The following ANKRD22 variants were observed in gnomAD, a reference collection of about 807,000 sequenced individuals.
ANKRD22 encodes ankyrin repeat domain-containing protein 22.
Under a neutral mutation model 25.7 loss-of-function variants are expected in ANKRD22, and 24 were observed. That is an observed-to-expected ratio of 0.93 (90% CI 0.68 to 1.31). The LOEUF is 1.31. ANKRD22 is among the 50% of genes most tolerant of loss of function. The probability of loss-of-function intolerance (pLI) is 0.00; values close to 1 mark genes in which losing one functional copy is unlikely to be tolerated. For missense variants in ANKRD22, 214 were observed against 227.1 expected (o/e 0.94, Z 0.37); for synonymous variants, 84 against 84.3 (o/e 1.00, Z 0.02).
intron 1 of ANKRD22, among the ~76,000 whole-genome samples, chr10:88,841,499 T>C (rs1242011409): frequency 2.6e-5 from 4 of 152,142 alleles, no homozygotes; most frequent in Non-Finnish European, 1.5e-5. Flanking sequence ...TTGAGCAAAA[T>C]TGGCTTTCAC....
At chr10:88,828,808 C>T in intron 2 of ANKRD22, 142 bp from the exon 3 acceptor site, 1 of 628,684 alleles carries the variant, frequency 1.6e-6, no homozygotes, top group Non-Finnish European at 2.7e-6. Context: ...CATCTGATTA[C>T]TGAATGCGGC....
rs565470369 is a variant in ANKRD22 at position 88,821,103 on chromosome 10, G to A, written c.*1838C>T. On this transcript the variant is annotated 3_prime_UTR_variant, in exon 6 of 6. Coordinates refer to ENST00000371930, the MANE Select transcript of ANKRD22 (RefSeq NM_144590.3). ...GATGTTTATGAGTTCTCCAATAAATGCATTCTGCATTACATAAAGCATGTA... is the reference window on the plus strand; with the variant it reads ...GATGTTTATGAGTTCTCCAATAAATACATTCTGCATTACATAAAGCATGTA... Among the ~76,000 whole-genome samples, 121 of 152,330 alleles carry A rather than the reference G, an allele frequency of 7.9e-4. 1 individual carries two copies. In the Middle Eastern group the frequency reaches 0.01, roughly 13 times the overall value.
In ANKRD22 at chr10:88,849,120, C is replaced by T. The variant is rs538417249; in HGVS notation, c.21+2467G>A. On this transcript the variant is annotated intron_variant, in intron 1 of 5. Coordinates refer to ENST00000371930, the MANE Select transcript of ANKRD22 (RefSeq NM_144590.3). ...CATTTAAGATATGATTTTCAAGAAA[C>T]GCTTTTTGGGGCCTGTGTCTGCAAC... Among the ~76,000 whole-genome samples the T allele has an allele frequency of 1.3e-4, 20 of 152,060 alleles. No individual in the cohort carries two copies. In the South Asian group the frequency reaches 1.9e-3, roughly 14 times the overall value.
intron 1 of ANKRD22, 138 bp downstream of exon 1, chr10:88,851,449 A>T: frequency 1.2e-6 from 1 of 846,722 alleles, no homozygotes; most frequent in Non-Finnish European, 1.9e-6. Flanking sequence ...ATAGGACTTT[A>T]TTTTTTCTGA....
intron 1 of ANKRD22, among the ~76,000 whole-genome samples, chr10:88,840,265 G>A (rs978174473): frequency 5.9e-5 from 9 of 152,050 alleles, no homozygotes; most frequent in African/African-American, 1.2e-4. Flanking sequence ...TGACGCATCC[G>A]GTATGTTGAT....
In ANKRD22 at chr10:88,831,949, G is replaced by A. The variant is rs367882066; in HGVS notation, c.99C>T (p.Asn33=). 7.1e-5 allele frequency: 114 copies of A among 1,613,756 alleles called. No individual in the cohort carries two copies. Among genetic ancestry groups the A allele is most frequent in the Admixed American group, 1.7e-4 (10 of 59,970 alleles). The change falls in exon 2 of 6, where the codon AAC becomes AAT. Residue 33 remains asparagine, a synonymous_variant. Transcript: ENST00000371930. ...RWVKEDSSYA[N]VQDGFNGDTP... is the part of the protein sequence containing the mutation. ...TGTCTCCATTAAAGCCATCTTGAACGTTGGCATAGCTGCTGTCTTCTTTCA... is the reference window on the plus strand; with the variant it reads ...TGTCTCCATTAAAGCCATCTTGAACATTGGCATAGCTGCTGTCTTCTTTCA...
chr10:88,834,836 T>G (rs557311107), intron 1 of ANKRD22, among the ~76,000 whole-genome samples: 1 of 152,008 alleles, frequency 6.6e-6, no homozygotes, highest in Admixed American at 6.5e-5. Flanking sequence ...CCAGCTACTC[T>G]GGAGGCTGAG....
rs1843852627 is a variant in ANKRD22 at position 88,826,026 on chromosome 10, G to A, written c.399+12C>T. On this transcript the variant is annotated intron_variant, in intron 4 of 5. Transcript: ENST00000371930. ...GAATATTTTTTCAAAATGGCTAAAA[G>A]TATAAACTTACACAATCTGTAGCAT... 6.2e-7 allele frequency: 1 copy of A among 1,600,622 alleles called. No homozygotes were observed. Among genetic ancestry groups the A allele is most frequent in the African/African-American group, 1.3e-5 (1 of 74,570 alleles).
Position 88,838,519 on chromosome 10 carries a change from C to T in ANKRD22, c.22-6493G>A, listed in dbSNP as rs927879116. On this transcript the variant is annotated intron_variant, in intron 1 of 5. Transcript: ENST00000371930. ...TTTAGAAGTTATCAGAGAGATGTTA[C>T]AGATAAACTCTGTCTAGGGATGAGA... 3.9e-5 allele frequency among the ~76,000 whole-genome samples: 6 copies of T among 152,152 alleles called. No individual in the cohort carries two copies. The South Asian group carries it at 6.2e-4, about 16-fold the overall frequency.
chr10:88,830,678 C>T (rs1276457915), intron 2 of ANKRD22, among the ~76,000 whole-genome samples: 3 of 152,114 alleles, frequency 2.0e-5, no homozygotes, highest in Non-Finnish European at 2.9e-5. Context: ...CCAGAAAATC[C>T]CAGCAGGCTG....
intron 2 of ANKRD22, among the ~76,000 whole-genome samples, chr10:88,829,901 A>G (rs1389806811): frequency 1.3e-5 from 2 of 152,170 alleles, no homozygotes; most frequent in Admixed American, 6.6e-5. Flanking sequence ...TTCAGCCTCC[A>G]AAGTAGCTGG....
At position 88,851,669 on chromosome 10, in the gene ANKRD22, G is replaced by T. The variant is rs1844106249; in HGVS notation, c.-62C>A. 4.4e-6 allele frequency: 7 copies of T among 1,588,892 alleles called. No individual in the cohort carries two copies. The highest frequency in any genetic ancestry group is 6.0e-6 in the Non-Finnish European group (7 of 1,158,178). On this transcript the variant is annotated 5_prime_UTR_variant, in exon 1 of 6. Coordinates refer to ENST00000371930, the MANE Select transcript of ANKRD22 (RefSeq NM_144590.3). ...CCTTGAATCTTCTGGAGGTATTTCT[G>T]ATGAATATCAAAATCCTTCCTGGCT...
chr10:88,825,302 A>G (rs534021385), intron 4 of ANKRD22, among the ~76,000 whole-genome samples: 1 of 152,358 alleles, frequency 6.6e-6, no homozygotes, highest in South Asian at 2.1e-4. Flanking sequence ...CCATAGAAAT[A>G]AACTTTTGTC....
chr10:88,845,926 C>T (rs976898922), intron 1 of ANKRD22, among the ~76,000 whole-genome samples: 4 of 152,146 alleles, frequency 2.6e-5, no homozygotes, highest in African/African-American at 9.7e-5. Context: ...CCTGCCTGAT[C>T]TGGCCCCTGA....
intron 1 of ANKRD22, among the ~76,000 whole-genome samples, chr10:88,834,802 G>A (rs1843937802): frequency 6.6e-6 from 1 of 152,120 alleles, no homozygotes; most frequent in Non-Finnish European, 1.5e-5. Context: ...AATTAGCAGG[G>A]CATGGTGTCT....
intron 2 of ANKRD22, 102 bp from the exon 3 acceptor site, chr10:88,828,768 G>A (rs781123411): frequency 8.1e-5 from 67 of 824,916 alleles, no homozygotes; most frequent in Non-Finnish European, 1.1e-4. Context: ...TTGTTTTTCC[G>A]GTACCCATGG....
Position 88,820,847 on chromosome 10 carries a change from A to G in ANKRD22, c.*2094T>C, listed in dbSNP as rs1383387638. Among the ~76,000 whole-genome samples, 1 of 152,164 alleles carries G rather than the reference A, an allele frequency of 6.6e-6. No individual in the cohort carries two copies. Among genetic ancestry groups the G allele is most frequent in the Non-Finnish European group, 1.5e-5 (1 of 68,026 alleles). ...TTGGAGCACTAAAGTAAAATGGCAA[A>G]TTGGGACAGATATTGAGGTCTGGAG... On this transcript the variant is annotated 3_prime_UTR_variant, in exon 6 of 6. Transcript: ENST00000371930.
Position 88,820,546 on chromosome 10 carries a change from G to A in ANKRD22, c.*2395C>T. 6.6e-7 allele frequency: 1 copy of A among 1,512,200 alleles called. No homozygotes were observed. The highest frequency in any genetic ancestry group is 8.9e-7 in the Non-Finnish European group (1 of 1,128,722). 93.7% of individuals were successfully genotyped at this position (1,512,200 alleles called of 1,614,324 possible). The stretch of plus-strand genomic sequence containing the variant: ...CTTAGGACAACCTCCTGAGGGATGG[G>A]GCTAGGACCCATGAAGGCAGAATTA... On this transcript the variant is annotated 3_prime_UTR_variant, in exon 6 of 6. Transcript: ENST00000371930.
At chr10:88,850,212 G>A (rs951907892) in intron 1 of ANKRD22, among the ~76,000 whole-genome samples, 9 of 151,764 alleles carry the variant, frequency 5.9e-5, no homozygotes, top group Non-Finnish European at 8.8e-5. Flanking sequence ...TAAAACTATA[G>A]ATGAAAGGTC....
Sources: gnomAD v4.1 joint callset for allele counts (sites outside exome capture counted in the v4.1 genomes callset) on GRCh38, gnomAD v4.1.1 for gene constraint, MANE v1.5 for transcripts, NCBI Gene and HGNC (gene_info 2026-07-23, HGNC 2026-07-21) for gene names.